NAV2: variants seen among roughly 807,000 people sequenced by gnomAD.
NAV2 encodes neuron navigator 2, also known as helicase, APC down-regulated 1.
In NAV2, 54 loss-of-function variants were observed where a neutral mutation model predicts 223.2. That is an observed-to-expected ratio of 0.24 (90% confidence interval 0.19 to 0.30). NAV2 has a LOEUF of 0.30. Ranked by LOEUF, NAV2 falls within the 10% of genes least tolerant of loss-of-function variation. The pLI, the probability that NAV2 is intolerant of heterozygous loss-of-function variation, is 1.00. For synonymous variants in NAV2, 1,279 were observed against 1,239.3 expected (o/e 1.03, Z -0.67); for missense variants, 2,806 against 3,147.5 (o/e 0.89, Z 2.60).
chr11:19,937,041 G>A (rs2045964600), intron 7 of NAV2, among the ~76,000 whole-genome samples: 1 of 152,148 alleles, frequency 6.6e-6, no homozygotes, highest in South Asian at 2.1e-4. Flanking sequence ...CGGAGGCTGA[G>A]GCATGAGAAT....
At chr11:19,829,405 AG>A (rs1480715378) in intron 1 of NAV2, among the ~76,000 whole-genome samples, 1 of 152,184 alleles carries the variant, frequency 6.6e-6, no homozygotes, top group Non-Finnish European at 1.5e-5. Flanking sequence ...GGCTGTGAGA[AG>A]GGGAAGAAAT....
chr11:19,975,366 A>G (rs2049624278), intron 10 of NAV2, among the ~76,000 whole-genome samples: 1 of 152,246 alleles, frequency 6.6e-6, no homozygotes, highest in African/African-American at 2.4e-5. Context: ...CACTATTGTT[A>G]TAATCCTTGG....
At chr11:19,608,343 G>C (rs575409365) in intron 1 of NAV2, among the ~76,000 whole-genome samples, 1 of 152,370 alleles carries the variant, frequency 6.6e-6, no homozygotes, top group South Asian at 2.1e-4. Flanking sequence ...CCAGATGCCA[G>C]CTGAAGCCCA....
intron 7 of NAV2, among the ~76,000 whole-genome samples, chr11:19,938,246 G>A (rs552883284): frequency 6.6e-6 from 1 of 152,160 alleles, no homozygotes; most frequent in Non-Finnish European, 1.5e-5. Flanking sequence ...ATGTCATCAC[G>A]TCAGTATTAC....
intron 5 of NAV2, chr11:19,884,176 C>A: frequency 1.5e-6 from 1 of 678,636 alleles, no homozygotes; most frequent in Non-Finnish European, 2.6e-6. Context: ...AAACAGTGGG[C>A]AGGGGGGGAA....
chr11:19,358,023 C>T (rs1166211894), intron 1 of NAV2, among the ~76,000 whole-genome samples: 1 of 152,162 alleles, frequency 6.6e-6, no homozygotes, highest in Non-Finnish European at 1.5e-5. Context: ...CAAGGTTTTC[C>T]AAAACCCATC....
intron 1 of NAV2, among the ~76,000 whole-genome samples, chr11:19,738,150 T>C (rs907199501): frequency 6.6e-6 from 1 of 152,224 alleles, no homozygotes; most frequent in African/African-American, 2.4e-5. Context: ...GAAAGAGCTG[T>C]CTTGGGCTTA....
At chr11:20,115,972 TC>T (rs1434770641) in intron 37 of NAV2, among the ~76,000 whole-genome samples, 1 of 152,130 alleles carries the variant, frequency 6.6e-6, no homozygotes, top group Non-Finnish European at 1.5e-5. Flanking sequence ...ATTGTAGTAC[TC>T]TACCAATATA....
At chr11:20,022,893 C>A in intron 11 of NAV2, 1 of 1,376,526 alleles carries the variant, frequency 7.3e-7, no homozygotes, top group Middle Eastern at 2.7e-4. Flanking sequence ...GATCCTTCAG[C>A]ACTTCAGAGG....
intron 8 of NAV2, among the ~76,000 whole-genome samples, chr11:19,941,059 C>G (rs572598262): frequency 6.6e-6 from 1 of 152,218 alleles, no homozygotes; most frequent in South Asian, 2.1e-4. Context: ...AGATGTGTGG[C>G]CCGTGGAGCA....
chr11:19,934,040 C>T lies in NAV2; in HGVS notation c.1796C>T (p.Pro599Leu). The T allele has an allele frequency of 1.9e-6, 3 of 1,601,364 alleles. No individual in the cohort carries two copies. In the South Asian group the frequency reaches 3.4e-5, roughly 18 times the overall value. Residue 599 changes from proline (P) to leucine (L), a missense_variant, in exon 7 of 38, where the codon CCC becomes CTC. Around this residue, in one of 4 missense-constraint regions of NAV2, gnomAD observed 1,167 missense variants for 1,180.5 expected, o/e 0.99. Transcript: ENST00000349880. ...AGTGGGAAGCTGAGCTCAGGACTCC[C>T]CCAGCAGAAGCCCCAGCTGGACGGC... is the stretch of plus-strand genomic sequence containing the variant. ...SRSGKLSSGL[P>L]QQKPQLDGRH... is the part of the protein sequence containing the mutation.
chr11:19,699,529 A>G (rs1164673379), intron 1 of NAV2, among the ~76,000 whole-genome samples: 1 of 152,218 alleles, frequency 6.6e-6, no homozygotes, highest in African/African-American at 2.4e-5. Context: ...GTTTTCCAAG[A>G]AAAGGCATCT....
intron 34 of NAV2, 103 bp downstream of exon 34, chr11:20,103,827 A>G (rs1324365617): frequency 4.9e-6 from 5 of 1,015,942 alleles, no homozygotes; most frequent in East Asian, 2.4e-5. Flanking sequence ...GTTGTATGCT[A>G]GGTATTGTTA....
In NAV2 at chr11:19,933,971, C is replaced by T; in HGVS notation, c.1727C>T (p.Ser576Phe). 6.3e-7 allele frequency: 1 copy of T among 1,596,706 alleles called. No homozygotes were observed. Among genetic ancestry groups the T allele is most frequent in the Non-Finnish European group, 8.5e-7 (1 of 1,173,060 alleles). Residue 576 changes from serine to phenylalanine, a missense_variant, in exon 7 of 38, where the codon TCC becomes TTC. Ser to Phe is a radical substitution (Grantham distance 155, BLOSUM62 -2). This residue lies in a region of NAV2 where 1,167 missense variants were observed against 1,180.5 expected (regional missense o/e 0.99). Coordinates refer to ENST00000349880, the MANE Select transcript of NAV2 (RefSeq NM_145117.5). The surrounding 1 kb of genome is among the most constrained non-coding windows in gnomAD (Gnocchi z 4.3). The stretch of plus-strand genomic sequence containing the variant: ...GGAATGAAAAGCATGCCCGGGAAAT[C>T]CCCAAGTGCCCCAGCGCCTTCCAAG... ...KPGMKSMPGKSPSAPAPSKEG... is the reference protein window; with the variant it reads ...KPGMKSMPGKFPSAPAPSKEG...
intron 1 of NAV2, among the ~76,000 whole-genome samples, chr11:19,382,473 C>T (rs192319302): frequency 5.9e-5 from 9 of 152,268 alleles, no homozygotes; most frequent in African/African-American, 2.2e-4. Context: ...TGCAGCAGCT[C>T]GCTCCAGCCA....
At chr11:19,366,313 C>T (rs1166858464) in intron 1 of NAV2, among the ~76,000 whole-genome samples, 1 of 152,146 alleles carries the variant, frequency 6.6e-6, no homozygotes, top group Admixed American at 6.5e-5. Flanking sequence ...TCTGTGGAGC[C>T]CTGCTAGGCC....
intron 1 of NAV2, among the ~76,000 whole-genome samples, chr11:19,442,780 G>A (rs142556077): frequency 5.0e-4 from 76 of 152,308 alleles, no homozygotes; most frequent in African/African-American, 1.8e-3. Flanking sequence ...CAGCAAGTGT[G>A]ACAATAGGCT....
chr11:19,960,230 A>G (rs1413887152), intron 10 of NAV2, among the ~76,000 whole-genome samples: 2 of 152,156 alleles, frequency 1.3e-5, no homozygotes, highest in East Asian at 1.9e-4. Flanking sequence ...CCAGGGGCCC[A>G]TGAGCTCACA....
At chr11:19,448,293 A>G (rs1851662051) in intron 1 of NAV2, among the ~76,000 whole-genome samples, 1 of 152,204 alleles carries the variant, frequency 6.6e-6, no homozygotes, top group Non-Finnish European at 1.5e-5. Flanking sequence ...CCCTGAGCAC[A>G]GCAACCCTCC....
Sources: allele counts gnomAD v4.1 joint callset (sites outside exome capture counted in the v4.1 genomes callset), GRCh38; gene constraint gnomAD v4.1.1; regional missense constraint gnomAD v4.1.1; non-coding constraint Gnocchi (gnomAD v3.1); transcripts MANE v1.5; gene names NCBI Gene and HGNC (gene_info 2026-07-23, HGNC 2026-07-21).